KDM4C: variants seen among roughly 807,000 people sequenced by gnomAD.
KDM4C encodes the protein lysine demethylase 4C, also known as lysine-specific demethylase 4C.
Under a neutral mutation model 129.3 loss-of-function variants are expected in KDM4C, and 81 were observed. That is an observed-to-expected ratio of 0.63 (90% CI 0.52 to 0.75). The LOEUF is 0.75. KDM4C is among the 30% of genes least tolerant of loss of function. KDM4C has a pLI of 0.00. For synonymous variants in KDM4C, 573 were observed against 456.1 expected, an observed-to-expected ratio of 1.26 and a Z score of -3.26; for missense variants, 1,457 against 1,304.0, an observed-to-expected ratio of 1.12 and a Z score of -1.81.
rs145376820 is a variant in KDM4C, at chr9:6,745,192, A to T, written c.49+24195A>T. Among the ~76,000 whole-genome samples, 7 of 152,284 alleles carry T rather than the reference A, an allele frequency of 4.6e-5. No individual in the cohort carries two copies. In the East Asian group the frequency reaches 1.4e-3, roughly 29 times the overall value. On this transcript the variant is annotated intron_variant, in intron 1 of 17. Transcript: ENST00000536108. ...AGTCAAGGAAAATTTGATCTTTGTT[A>T]TGATAATGTTCCCTCCAATCTACAG... is the stretch of plus-strand genomic sequence containing the variant.
In KDM4C at chr9:6,805,586, A is replaced by G. The variant is rs961808530; in HGVS notation, c.145-13A>G. 6 of 1,574,044 alleles carry G rather than the reference A, an allele frequency of 3.8e-6. No individual in the cohort carries two copies. Among genetic ancestry groups the G allele is most frequent in the Non-Finnish European group, 5.2e-6 (6 of 1,157,410 alleles). ...TTTCAAGATGATATTTTATTTCATT[A>G]TTTTATTTTTAGGTGATTCCTCCTA... On this transcript the variant is annotated splice_polypyrimidine_tract_variant and intron_variant, in intron 2 of 21. Transcript: ENST00000381309.
chr9:7,147,627 T>TA (rs1056988302), intron 19 of KDM4C, among the ~76,000 whole-genome samples: 29 of 152,210 alleles, frequency 1.9e-4, no homozygotes, highest in African/African-American at 5.8e-4. Context: ...GGTGAGAAGT[T>TA]AAAGTCCTGG....
intron 8 of KDM4C, among the ~76,000 whole-genome samples, chr9:6,929,475 T>TC (rs1276024353): frequency 6.3e-5 from 5 of 79,180 alleles, no homozygotes; most frequent in Non-Finnish European, 1.6e-4. Flanking sequence ...CTTTTTCTTT[T>TC]TTTTTTTTTT....
At chr9:7,031,166 ATTTATGTAT>A (rs1826676308) in intron 15 of KDM4C, among the ~76,000 whole-genome samples, 1 of 70,522 alleles carries the variant, frequency 1.4e-5, no homozygotes, top group Non-Finnish European at 3.2e-5. Flanking sequence ...TTATTTATTT[ATTTATGTAT>A]GTTTTGAGAT....
intron 19 of KDM4C, among the ~76,000 whole-genome samples, chr9:7,158,604 T>C (rs549138285): frequency 6.6e-6 from 1 of 152,334 alleles, no homozygotes; most frequent in South Asian, 2.1e-4. Context: ...GTTTACCCAG[T>C]AGTCATTCAG....
chr9:6,990,037 C>G (rs1180784650), intron 11 of KDM4C, among the ~76,000 whole-genome samples: 1 of 152,044 alleles, frequency 6.6e-6, no homozygotes, highest in Non-Finnish European at 1.5e-5. Context: ...CTTGGCCTCC[C>G]AAAATGCTGA....
intron 1 of KDM4C, among the ~76,000 whole-genome samples, chr9:6,721,772 T>G (rs1391535379): frequency 6.6e-6 from 1 of 151,486 alleles, no homozygotes. Flanking sequence ...GTATTTTTAG[T>G]AGAGACTGGG....
At chr9:6,899,567 G>GTGTT (rs1201113393) in intron 8 of KDM4C, among the ~76,000 whole-genome samples, 1 of 151,876 alleles carries the variant, frequency 6.6e-6, no homozygotes, top group East Asian at 1.9e-4. Context: ...GTGTGTGTGT[G>GTGTT]TGTTTAACTT....
rs1464865673 is a variant in KDM4C, at chr9:7,158,899, T to C, written c.2782-6339T>C. 2.0e-5 allele frequency among the ~76,000 whole-genome samples: 3 copies of C among 152,194 alleles called. No homozygotes were observed. In the East Asian group the frequency reaches 5.8e-4, roughly 29 times the overall value. On this transcript the variant is annotated intron_variant, in intron 19 of 21. Coordinates refer to ENST00000381309, the MANE Select transcript of KDM4C (RefSeq NM_015061.6). ...GAGTTCAAGTCCTGGATATCCTTGT[T>C]AACCTTCTGTCTCGTTGATCTGTCT...
At chr9:6,728,909 GA>G (rs1817233017) in intron 1 of KDM4C, among the ~76,000 whole-genome samples, 1 of 151,150 alleles carries the variant, frequency 6.6e-6, no homozygotes, top group Admixed American at 6.6e-5. Flanking sequence ...AAAATTGTAT[GA>G]AAAAAAGGAA....
At chr9:6,866,349 G>T (rs1455182100) in intron 5 of KDM4C, among the ~76,000 whole-genome samples, 4 of 152,036 alleles carry the variant, frequency 2.6e-5, no homozygotes, top group Non-Finnish European at 5.9e-5. Flanking sequence ...TTCAGCCCAG[G>T]TTTTCCTTAG....
At chr9:6,923,894 A>G (rs184692293) in intron 8 of KDM4C, among the ~76,000 whole-genome samples, 37 of 152,320 alleles carry the variant, frequency 2.4e-4, no homozygotes, top group African/African-American at 8.7e-4. Flanking sequence ...TGTAAGAGAA[A>G]AAAGCAGGAA....
intron 4 of KDM4C, among the ~76,000 whole-genome samples, chr9:6,832,661 G>A (rs1042332068): frequency 1.3e-5 from 2 of 150,192 alleles, no homozygotes; most frequent in African/African-American, 4.9e-5. Flanking sequence ...TCCTGACCAC[G>A]TAATCCACCC....
intron 17 of KDM4C, among the ~76,000 whole-genome samples, chr9:7,099,978 G>C (rs1420678063): frequency 6.6e-6 from 1 of 151,662 alleles, no homozygotes; most frequent in Non-Finnish European, 1.5e-5. Context: ...AGGAGTTTGG[G>C]GGTTGATTCA....
intron 4 of KDM4C, among the ~76,000 whole-genome samples, chr9:6,824,063 A>G (rs752404661): frequency 3.9e-5 from 6 of 152,262 alleles, no homozygotes; most frequent in African/African-American, 7.2e-5. Flanking sequence ...CTAGATTTGT[A>G]TACAACTGAA....
intron 17 of KDM4C, among the ~76,000 whole-genome samples, chr9:7,088,871 T>C (rs1835459806): frequency 6.6e-6 from 1 of 152,222 alleles, no homozygotes; most frequent in Admixed American, 6.5e-5. Context: ...AAAAGCTGTT[T>C]CCATAGCAGC....
upstream of KDM4C, among the ~76,000 whole-genome samples, chr9:6,756,610 G>C (rs1321801196): frequency 1.3e-5 from 2 of 152,176 alleles, no homozygotes; most frequent in African/African-American, 4.8e-5. Flanking sequence ...CCAGCTACTC[G>C]GGAGGCTGAG....
intron 19 of KDM4C, among the ~76,000 whole-genome samples, chr9:7,146,975 C>G (rs961226817): frequency 3.3e-5 from 5 of 152,194 alleles, no homozygotes; most frequent in Non-Finnish European, 7.3e-5. Flanking sequence ...CCTCCCTATC[C>G]TCTAGGTATA....
At chr9:6,808,955 C>T (rs542710485) in intron 3 of KDM4C, among the ~76,000 whole-genome samples, 1 of 151,956 alleles carries the variant, frequency 6.6e-6, no homozygotes, top group East Asian at 1.9e-4. Flanking sequence ...AATAAAAAAA[C>T]CTGAAAGACC....
Sources: gnomAD v4.1 joint callset for allele counts (sites outside exome capture counted in the v4.1 genomes callset) on GRCh38, gnomAD v4.1.1 for gene constraint, MANE v1.5 for transcripts, NCBI Gene and HGNC (gene_info 2026-07-23, HGNC 2026-07-21) for gene names.